CDC42SE2: variants seen among roughly 807,000 people sequenced by gnomAD.
CDC42SE2 encodes CDC42 small effector protein 2.
CDC42SE2 carries 3 observed loss-of-function variants against 11.5 expected under a neutral mutation model. That is an observed-to-expected ratio of 0.26 (90% CI 0.12 to 0.67). The LOEUF (loss-of-function observed/expected upper bound fraction) is 0.67, where lower values mean the gene tolerates loss of function less well. Among genes scored for constraint, CDC42SE2 ranks in the 30% least tolerant of loss-of-function variants. The pLI, the probability that CDC42SE2 is intolerant of heterozygous loss-of-function variation, is 0.80. For missense variants in CDC42SE2, 82 were observed against 106.8 expected, an observed-to-expected ratio of 0.77 and a Z score of 1.02; for synonymous variants, 33 against 34.8, an observed-to-expected ratio of 0.95 and a Z score of 0.18.
chr5:131,262,790 A>T (rs2149686911), upstream of CDC42SE2, among the ~76,000 whole-genome samples: 1 of 152,250 alleles, frequency 6.6e-6, no homozygotes, highest in South Asian at 2.1e-4. Context: ...TTGTATTTTT[A>T]AATTGTTGTG....
rs185207438 is a variant in CDC42SE2, at chr5:131,331,129, A to G, written c.-286+14985A>G. Among the ~76,000 whole-genome samples the G allele has an allele frequency of 2.6e-3, 392 of 152,308 alleles. 3 individuals carry two copies. Among genetic ancestry groups the G allele is most frequent in the Admixed American group, 6.4e-3 (98 of 15,300 alleles). On this transcript the variant is annotated intron_variant, in intron 2 of 4. Transcript: ENST00000505065. The stretch of plus-strand genomic sequence containing the variant: ...GTTGGTATAATTCTCATAAATGAAA[A>G]CTTTGATTCAGAGAGGCTATTGAAT...
chr5:131,333,443 G>A (rs544843216), intron 2 of CDC42SE2, among the ~76,000 whole-genome samples: 207 of 152,184 alleles, frequency 1.4e-3, no homozygotes, highest in African/African-American at 4.3e-3. Context: ...TTGACTTGGC[G>A]ATGCAGGCTC....
At chr5:131,247,217 T>A (rs1756602232) in intron 1 of CDC42SE2, among the ~76,000 whole-genome samples, 2 of 152,226 alleles carry the variant, frequency 1.3e-5, no homozygotes, top group Admixed American at 1.3e-4. Context: ...TCCAACAATG[T>A]ATTTTAAAAA....
Position 131,366,555 on chromosome 5 carries a change from TTTTG to T in CDC42SE2, c.54+7016_54+7019del, listed in dbSNP as rs1051290954. On this transcript the variant is annotated intron_variant, in intron 3 of 4. Coordinates refer to ENST00000505065, the MANE Select transcript of CDC42SE2 (RefSeq NM_001375635.1). ...TATTCAGTTCAGATTGGAGGGTTTT[TTTTG>T]TTTGTTTTTTTGTTTTTTTTACTAC... 1.6e-4 allele frequency among the ~76,000 whole-genome samples: 24 copies of T among 152,296 alleles called. No homozygotes were observed. In the East Asian group the frequency reaches 2.5e-3, roughly 16 times the overall value.
At chr5:131,344,104 G>A (rs918748251) in intron 2 of CDC42SE2, among the ~76,000 whole-genome samples, 12 of 152,190 alleles carry the variant, frequency 7.9e-5, no homozygotes, top group East Asian at 1.9e-4. Context: ...CATGAGCGAC[G>A]CAGAAGAAGG....
chr5:131,297,834 C>G (rs532115589), intron 1 of CDC42SE2, among the ~76,000 whole-genome samples: 6 of 152,002 alleles, frequency 3.9e-5, no homozygotes, highest in African/African-American at 1.2e-4. Flanking sequence ...AATAATCGAT[C>G]GACAAATCAG....
intron 2 of CDC42SE2, among the ~76,000 whole-genome samples, chr5:131,328,514 T>C (rs902955516): frequency 4.6e-5 from 7 of 152,204 alleles, no homozygotes; most frequent in Non-Finnish European, 1.0e-4. Flanking sequence ...GGAACTCTGT[T>C]ACCTGGATAT....
At chr5:131,356,418 T>C (rs2149767897) in intron 2 of CDC42SE2, among the ~76,000 whole-genome samples, 1 of 152,308 alleles carries the variant, frequency 6.6e-6, no homozygotes, top group Admixed American at 6.5e-5. Flanking sequence ...ATATATACTT[T>C]AGAAACCTGT....
chr5:131,368,714 TCAA>T (rs1749931903), intron 3 of CDC42SE2, among the ~76,000 whole-genome samples: 1 of 152,172 alleles, frequency 6.6e-6, no homozygotes, highest in Non-Finnish European at 1.5e-5. Context: ...TCTCTCAGCT[TCAA>T]CAACTTTAAT....
At chr5:131,229,258 T>C in the CDC42SE2 span, among the ~76,000 whole-genome samples, 21 of 152,050 alleles carry the variant, frequency 1.4e-4, no homozygotes, top group Admixed American at 1.2e-3. Flanking sequence ...TAAGTGATCC[T>C]CCCACCCCAG....
chr5:131,302,298 G>T (rs1757700703), intron 1 of CDC42SE2, among the ~76,000 whole-genome samples: 1 of 152,134 alleles, frequency 6.6e-6, no homozygotes, highest in African/African-American at 2.4e-5. Flanking sequence ...TCCTGCCTCA[G>T]CCTCCCCAGT....
intron 2 of CDC42SE2, among the ~76,000 whole-genome samples, chr5:131,345,173 A>C (rs1758809041): frequency 6.6e-6 from 1 of 152,202 alleles, no homozygotes; most frequent in Non-Finnish European, 1.5e-5. Flanking sequence ...TGAGAGAAGA[A>C]GGCTTCAGAT....
chr5:131,292,240 C>CAAAAAAAA (rs1202956370), intron 1 of CDC42SE2, among the ~76,000 whole-genome samples: 4 of 25,604 alleles, frequency 1.6e-4, no homozygotes, highest in African/African-American at 3.5e-4. Flanking sequence ...TCTGTCTCAC[C>CAAAAAAAA]AAAAAAAAAA....
intron 1 of CDC42SE2, among the ~76,000 whole-genome samples, chr5:131,274,292 A>G (rs1282789422): frequency 1.3e-5 from 2 of 151,550 alleles, no homozygotes; most frequent in Non-Finnish European, 2.9e-5. Context: ...TTAAATGTCA[A>G]CTCCATCTTT....
chr5:131,226,629 G>A, the CDC42SE2 span, among the ~76,000 whole-genome samples: 27 of 152,272 alleles, frequency 1.8e-4, no homozygotes, highest in Middle Eastern at 0.027. Context: ...CCAAAGCACC[G>A]CTATGGTCCA....
At chr5:131,272,171 C>T (rs539344503) in intron 1 of CDC42SE2, among the ~76,000 whole-genome samples, 2 of 151,962 alleles carry the variant, frequency 1.3e-5, no homozygotes, top group African/African-American at 2.4e-5. Context: ...TCACCATGCC[C>T]GGCTGATTTT....
chr5:131,321,264 A>AGT (rs1758180996), intron 2 of CDC42SE2, among the ~76,000 whole-genome samples: 1 of 152,226 alleles, frequency 6.6e-6, no homozygotes, highest in Admixed American at 6.5e-5. Flanking sequence ...GTACTGTAAT[A>AGT]GTGAAGTATT....
Position 131,264,092 on chromosome 5 carries a change from T to C in CDC42SE2, c.-529T>C, listed in dbSNP as rs1463532105. 1 of 151,986 alleles carries C rather than the reference T, an allele frequency of 6.6e-6. No individual in the cohort carries two copies. Among genetic ancestry groups the C allele is most frequent in the Non-Finnish European group, 1.5e-5 (1 of 68,118 alleles). The allele number at this position is 151,986 out of a possible 1,614,324, so 9.4% of individuals were successfully genotyped here. A position where few individuals can be genotyped will look rare whatever the true frequency, so the allele number is the denominator to read the frequency against. Reference sequence around the variant, plus strand: ...GCGCTGGGGAGCGCAGCTGCAGGCGTTGGGGCGGCAGGAGCCGCGGAGCCG... The same window carrying C: ...GCGCTGGGGAGCGCAGCTGCAGGCGCTGGGGCGGCAGGAGCCGCGGAGCCG... On this transcript the variant is annotated 5_prime_UTR_variant, in exon 1 of 5. Transcript: ENST00000505065.
intron 2 of CDC42SE2, among the ~76,000 whole-genome samples, chr5:131,329,991 TTATTC>T (rs1440231855): frequency 6.7e-6 from 1 of 149,050 alleles, no homozygotes; most frequent in Non-Finnish European, 1.5e-5. Context: ...TAACCAACAA[TTATTC>T]TATTATATCT....
Sources: gnomAD v4.1 joint callset for allele counts (sites outside exome capture counted in the v4.1 genomes callset) on GRCh38, gnomAD v4.1.1 for gene constraint, MANE v1.5 for transcripts, NCBI Gene and HGNC (gene_info 2026-07-23, HGNC 2026-07-21) for gene names.